SGCZ: variants seen among roughly 807,000 people sequenced by gnomAD.
SGCZ encodes zeta-sarcoglycan.
A neutral mutation model predicts 41.3 loss-of-function variants in SGCZ; 40 were observed. That is an observed-to-expected ratio of 0.97 (90% confidence interval 0.75 to 1.26). The LOEUF (loss-of-function observed/expected upper bound fraction) is 1.26, where lower values mean the gene tolerates loss of function less well. Among genes scored for constraint, SGCZ ranks in the 50% most tolerant of loss-of-function variants. SGCZ has a pLI of 0.00. For synonymous variants in SGCZ, 206 were observed against 137.5 expected, an observed-to-expected ratio of 1.50 and a Z score of -3.49; for missense variants, 552 against 369.8, an observed-to-expected ratio of 1.49 and a Z score of -4.04.
chr8:14,212,812 C>G (rs762911732), intron 4 of SGCZ, among the ~76,000 whole-genome samples: 2 of 151,918 alleles, frequency 1.3e-5, no homozygotes, highest in Admixed American at 6.6e-5. Context: ...CAATAAGCAA[C>G]TACAAATTTT....
At chr8:14,433,658 G>C (rs1171050089) in intron 2 of SGCZ, among the ~76,000 whole-genome samples, 1 of 152,092 alleles carries the variant, frequency 6.6e-6, no homozygotes, top group Admixed American at 6.5e-5. Flanking sequence ...AATAAAAAAG[G>C]TGCAGCTTGT....
intron 1 of SGCZ, among the ~76,000 whole-genome samples, chr8:15,065,351 G>T (rs770816544): frequency 6.6e-6 from 1 of 151,748 alleles, no homozygotes; most frequent in East Asian, 1.9e-4. Flanking sequence ...GACCCAGGAG[G>T]CCTAGTTAGG....
chr8:14,570,780 C>G (rs1392701508), intron 1 of SGCZ, among the ~76,000 whole-genome samples: 1 of 152,100 alleles, frequency 6.6e-6, no homozygotes, highest in Non-Finnish European at 1.5e-5. Context: ...TCACTTTCAA[C>G]CCCTATCTGC....
chr8:14,791,478 T>A (rs1800951262), intron 1 of SGCZ, among the ~76,000 whole-genome samples: 1 of 152,112 alleles, frequency 6.6e-6, no homozygotes, highest in African/African-American at 2.4e-5. Context: ...AAAATCCTAT[T>A]TTTCCTTTAA....
intron 2 of SGCZ, among the ~76,000 whole-genome samples, chr8:14,418,810 T>C (rs1052156657): frequency 6.6e-6 from 1 of 151,982 alleles, no homozygotes; most frequent in African/African-American, 2.4e-5. Flanking sequence ...ACTATTGCTA[T>C]ACATAGTCCA....
intron 1 of SGCZ, among the ~76,000 whole-genome samples, chr8:14,671,748 C>A (rs1342830268): frequency 6.6e-6 from 1 of 152,050 alleles, no homozygotes; most frequent in Admixed American, 6.6e-5. Context: ...GGAATAATAA[C>A]ATAAATAATT....
chr8:14,725,730 T>A (rs912305181), intron 1 of SGCZ, among the ~76,000 whole-genome samples: 1 of 152,146 alleles, frequency 6.6e-6, no homozygotes, highest in African/African-American at 2.4e-5. Flanking sequence ...GAAGGAGTGT[T>A]TTCTGAGTAG....
chr8:14,729,517 G>A (rs963000851), intron 1 of SGCZ, among the ~76,000 whole-genome samples: 1 of 152,094 alleles, frequency 6.6e-6, no homozygotes, highest in East Asian at 1.9e-4. Context: ...GAGACATCAG[G>A]GATGAATGTG....
intron 1 of SGCZ, among the ~76,000 whole-genome samples, chr8:15,108,720 TAAAAGAATGAATAG>T (rs1563130187): frequency 6.6e-6 from 1 of 152,160 alleles, no homozygotes; most frequent in Non-Finnish European, 1.5e-5. Context: ...ATTTGAAAAT[TAAAAGAATGAATAG>T]AAATCATTAT....
At chr8:14,912,406 A>T (rs1415746565) in intron 1 of SGCZ, among the ~76,000 whole-genome samples, 2 of 152,056 alleles carry the variant, frequency 1.3e-5, no homozygotes, top group Non-Finnish European at 2.9e-5. Context: ...AATCCATCTT[A>T]CCTCAGCATA....
At chr8:14,618,876 G>A (rs1404869629) in intron 1 of SGCZ, among the ~76,000 whole-genome samples, 1 of 152,078 alleles carries the variant, frequency 6.6e-6, no homozygotes, top group East Asian at 1.9e-4. Context: ...CCAATATTTG[G>A]CCTAAGCAAA....
chr8:14,923,468 C>G (rs775763697), intron 1 of SGCZ, among the ~76,000 whole-genome samples: 4 of 152,086 alleles, frequency 2.6e-5, no homozygotes, highest in Non-Finnish European at 5.9e-5. Context: ...TGAAATGGTT[C>G]CCATAGTATT....
At chr8:14,738,994 A>G (rs1228618129) in intron 1 of SGCZ, among the ~76,000 whole-genome samples, 5 of 152,094 alleles carry the variant, frequency 3.3e-5, no homozygotes, top group Non-Finnish European at 2.9e-5. Context: ...GACCTGAAAG[A>G]ATATACATGC....
At chr8:14,589,188 TA>T (rs1303916455) in intron 1 of SGCZ, among the ~76,000 whole-genome samples, 3 of 151,168 alleles carry the variant, frequency 2.0e-5, no homozygotes, top group Non-Finnish European at 2.9e-5. Context: ...ATAAATATAA[TA>T]AAAAAAACGA....
intron 1 of SGCZ, among the ~76,000 whole-genome samples, chr8:14,562,965 G>T (rs570030301): frequency 1.3e-5 from 2 of 152,178 alleles, no homozygotes; most frequent in African/African-American, 4.8e-5. Flanking sequence ...CCCAAAGGAG[G>T]AGTAGTATAG....
At chr8:14,427,056 A>G (rs533237142) in intron 2 of SGCZ, among the ~76,000 whole-genome samples, 96 of 143,226 alleles carry the variant, frequency 6.7e-4, no homozygotes, top group African/African-American at 2.4e-3. Flanking sequence ...GAATGAATGA[A>G]TGAATGAATG....
At chr8:14,548,125 G>T (rs989218197) in intron 2 of SGCZ, among the ~76,000 whole-genome samples, 69 of 152,232 alleles carry the variant, frequency 4.5e-4, no homozygotes, top group African/African-American at 1.6e-3. Flanking sequence ...ACATCAGCCT[G>T]ATGAAATAGA....
intron 1 of SGCZ, among the ~76,000 whole-genome samples, chr8:15,064,793 G>A (rs764902340): frequency 5.9e-5 from 9 of 152,238 alleles, no homozygotes; most frequent in Middle Eastern, 3.4e-3. Context: ...TGCAGGGCCC[G>A]ATTAAATCCT....
At chr8:14,720,773 T>C (rs189356905) in intron 1 of SGCZ, among the ~76,000 whole-genome samples, 1 of 152,238 alleles carries the variant, frequency 6.6e-6, no homozygotes, top group East Asian at 1.9e-4. Context: ...AACCAGCCAT[T>C]TAAAAAGGAA....
Sources: allele counts gnomAD v4.1 joint callset (sites outside exome capture counted in the v4.1 genomes callset), GRCh38; gene constraint gnomAD v4.1.1; transcripts MANE v1.5; gene names NCBI Gene and HGNC (gene_info 2026-07-23, HGNC 2026-07-21).